Variants in MAP3K20 observed in about 807,000 individuals in gnomAD.
MAP3K20 encodes the protein HCCS-4.
In MAP3K20, 40 loss-of-function variants were observed where a neutral mutation model predicts 85.7. That is an observed-to-expected ratio of 0.47 (90% CI 0.36 to 0.61). The LOEUF is 0.61. Ranked by LOEUF, MAP3K20 falls within the 20% of genes least tolerant of loss-of-function variation. The pLI, the probability that MAP3K20 is intolerant of heterozygous loss-of-function variation, is 0.00. For synonymous variants in MAP3K20, 325 were observed against 327.7 expected (o/e 0.99, Z 0.09); for missense variants, 817 against 961.7 (o/e 0.85, Z 1.99).
Position 173,242,303 on chromosome 2 carries a change from G to C in MAP3K20, c.1359+2807G>C, listed in dbSNP as rs118189571. ...TGATTCTCCTGCCTCAGAAGTACCT[G>C]GGATTACAGTCGCGTGCCAACACAC... is the stretch of plus-strand genomic sequence containing the variant. On this transcript the variant is annotated intron_variant, in intron 16 of 19. Transcript: ENST00000375213. Among the ~76,000 whole-genome samples, 413 of 151,608 alleles carry C rather than the reference G, an allele frequency of 2.7e-3. 4 individuals are homozygous for C. The highest frequency in any genetic ancestry group is 0.024 in the East Asian group (125 of 5,140).
chr2:173,225,181 G>A (rs904286021), intron 11 of MAP3K20: 19 of 981,142 alleles, frequency 1.9e-5, no homozygotes, highest in Non-Finnish European at 2.3e-5. Flanking sequence ...AATGGTGTTT[G>A]AGAGTGTTGG....
intron 14 of MAP3K20, among the ~76,000 whole-genome samples, chr2:173,237,814 A>G (rs1013721384): frequency 8.5e-5 from 13 of 152,184 alleles, no homozygotes; most frequent in Non-Finnish European, 1.9e-4. Context: ...ACTTCTCAGT[A>G]CTATACTCTG....
intron 10 of MAP3K20, among the ~76,000 whole-genome samples, chr2:173,214,120 A>G (rs937940094): frequency 5.3e-5 from 8 of 152,204 alleles, no homozygotes; most frequent in Non-Finnish European, 1.2e-4. Flanking sequence ...TTTTTAGAAA[A>G]CTGAATGGTT....
At chr2:173,079,652 T>A (rs1305572786) in intron 1 of MAP3K20, among the ~76,000 whole-genome samples, 3 of 136,480 alleles carry the variant, frequency 2.2e-5, no homozygotes, top group South Asian at 2.1e-4. Flanking sequence ...TTTTTAAATT[T>A]AAAAAAAAAT....
intron 2 of MAP3K20, among the ~76,000 whole-genome samples, chr2:173,125,748 C>T (rs1008676858): frequency 4.6e-5 from 7 of 152,018 alleles, no homozygotes; most frequent in Non-Finnish European, 1.0e-4. Context: ...CTGCAAGCTC[C>T]GCCTCCTGGG....
intron 1 of MAP3K20, among the ~76,000 whole-genome samples, chr2:173,084,824 C>T (rs1687103777): frequency 6.6e-6 from 1 of 152,170 alleles, no homozygotes; most frequent in South Asian, 2.1e-4. Flanking sequence ...GCACTGTGCT[C>T]ACGTATGCAC....
In MAP3K20 at chr2:173,266,678, C is replaced by T; in HGVS notation, c.2331C>T (p.Pro777=). 6.2e-7 allele frequency: 1 copy of T among 1,607,338 alleles called. No individual in the cohort carries two copies. The highest frequency in any genetic ancestry group is 8.5e-7 in the Non-Finnish European group (1 of 1,176,908). Residue 777 remains proline, a synonymous_variant, in exon 20 of 20, where the codon CCC becomes CCT. Transcript: ENST00000375213. ...GWTKVEYRKK[P]HRPSPAKTNK... ...CAAAAGTGGAATACCGGAAAAAGCC[C>T]CACAGGCCATCTCCCGCCAAAACCA...
intron 1 of MAP3K20, among the ~76,000 whole-genome samples, chr2:173,079,847 C>T (rs1686966040): frequency 6.6e-6 from 1 of 151,162 alleles, no homozygotes; most frequent in African/African-American, 2.5e-5. Flanking sequence ...ATAACAATGC[C>T]TTCTTCTGGA....
At chr2:173,095,799 T>C (rs1205851059) in intron 2 of MAP3K20, among the ~76,000 whole-genome samples, 1 of 152,212 alleles carries the variant, frequency 6.6e-6, no homozygotes, top group African/African-American at 2.4e-5. Flanking sequence ...CATTGTATAG[T>C]GCTAAGTGGT....
chr2:173,214,745 C>T (rs1053493075), intron 10 of MAP3K20, among the ~76,000 whole-genome samples: 1 of 152,130 alleles, frequency 6.6e-6, no homozygotes, highest in Non-Finnish European at 1.5e-5. Context: ...ATTTGGCTTA[C>T]AAGAAGACCA....
chr2:173,212,796 T>TAAAAAAAAA (rs1683947459), intron 10 of MAP3K20: 1 of 78,172 alleles, frequency 1.3e-5, no homozygotes, highest in African/African-American at 5.3e-5. Flanking sequence ...GAGATCCTAT[T>TAAAAAAAAA]CAAAAAAAAA....
rs535633314 is a variant in MAP3K20, at chr2:173,242,300, C to G, written c.1359+2804C>G. Among the ~76,000 whole-genome samples the G allele has an allele frequency of 2.6e-5, 4 of 151,262 alleles. No individual in the cohort carries two copies. In the South Asian group the frequency reaches 8.4e-4, roughly 32 times the overall value. On this transcript the variant is annotated intron_variant, in intron 16 of 19. Transcript: ENST00000375213. ...AAGTGATTCTCCTGCCTCAGAAGTA[C>G]CTGGGATTACAGTCGCGTGCCAACA...
intron 10 of MAP3K20, chr2:173,212,252 A>C (rs1283618533): frequency 1.5e-5 from 2 of 131,034 alleles, no homozygotes; most frequent in Admixed American, 7.7e-5. Context: ...AGCGATGAGC[A>C]CAAGAGTCCC....
chr2:173,155,178 C>T (rs906784433), intron 2 of MAP3K20, among the ~76,000 whole-genome samples: 11 of 151,916 alleles, frequency 7.2e-5, no homozygotes, highest in Admixed American at 1.3e-4. Flanking sequence ...GAAAGAAAGG[C>T]GTAGGTGTAA....
chr2:173,163,032 C>A (rs1689710572), intron 2 of MAP3K20, among the ~76,000 whole-genome samples: 1 of 152,176 alleles, frequency 6.6e-6, no homozygotes, highest in African/African-American at 2.4e-5. Flanking sequence ...TCTTTGCTTT[C>A]TTTCACAAAA....
intron 2 of MAP3K20, among the ~76,000 whole-genome samples, chr2:173,165,698 G>T (rs972235084): frequency 6.6e-6 from 1 of 152,092 alleles, no homozygotes; most frequent in Non-Finnish European, 1.5e-5. Context: ...TTTAGACAGG[G>T]TCTCACTCTG....
intron 16 of MAP3K20, among the ~76,000 whole-genome samples, chr2:173,255,144 T>A (rs1685128967): frequency 6.6e-6 from 1 of 152,232 alleles, no homozygotes; most frequent in African/African-American, 2.4e-5. Context: ...CTAACCCTAT[T>A]ATTTGTATCA....
chr2:173,222,749 GT>G, intron 11 of MAP3K20: 2 of 985,406 alleles, frequency 2.0e-6, no homozygotes, highest in Non-Finnish European at 2.4e-6. Context: ...TACCAGGGTT[GT>G]TTTTTGTTTT....
intron 2 of MAP3K20, among the ~76,000 whole-genome samples, chr2:173,150,670 A>G (rs987473329): frequency 2.0e-5 from 3 of 152,122 alleles, no homozygotes; most frequent in African/African-American, 7.2e-5. Flanking sequence ...GGTTCGAGCA[A>G]TTCTCCTGCT....
Sources: gnomAD v4.1 joint callset for allele counts (sites outside exome capture counted in the v4.1 genomes callset) on GRCh38, gnomAD v4.1.1 for gene constraint, MANE v1.5 for transcripts, NCBI Gene and HGNC (gene_info 2026-07-23, HGNC 2026-07-21) for gene names.